Variants in ZFHX3 observed in about 807,000 individuals in gnomAD.
The protein encoded by ZFHX3 is zinc finger homeobox protein 3.
In ZFHX3, 42 loss-of-function variants were observed where a neutral mutation model predicts 279.1. The observed-to-expected ratio is 0.15, with a 90% CI of 0.12 to 0.19. ZFHX3 has a LOEUF of 0.19. Ranked by LOEUF, ZFHX3 falls within the 10% of genes least tolerant of loss-of-function variation. The probability of loss-of-function intolerance (pLI) is 1.00; values close to 1 mark genes in which losing one functional copy is unlikely to be tolerated. For missense variants in ZFHX3, 4,981 were observed against 4,754.0 expected (o/e 1.05, Z -1.40); for synonymous variants, 2,293 against 1,957.8 (o/e 1.17, Z -4.52).
At chr16:72,866,586 T>C (rs1408638739) in intron 4 of ZFHX3, among the ~76,000 whole-genome samples, 1 of 152,200 alleles carries the variant, frequency 6.6e-6, no homozygotes, top group Middle Eastern at 3.2e-3. Context: ...CTATGTGACT[T>C]ATAAAAGCTT....
At chr16:73,782,163 C>T (rs947945899) in intron 1 of ZFHX3, among the ~76,000 whole-genome samples, 22 of 152,074 alleles carry the variant, frequency 1.4e-4, no homozygotes, top group Non-Finnish European at 2.2e-4. Flanking sequence ...CAAAGTTAAC[C>T]GTACACGGAG....
intron 3 of ZFHX3, among the ~76,000 whole-genome samples, chr16:72,890,209 G>A (rs1013326247): frequency 1.3e-5 from 2 of 152,190 alleles, no homozygotes; most frequent in African/African-American, 4.8e-5. Context: ...TAGAATATGG[G>A]GGTGGTTCCC....
At chr16:72,955,173 C>T (rs934497391) in intron 2 of ZFHX3, among the ~76,000 whole-genome samples, 2 of 152,288 alleles carry the variant, frequency 1.3e-5, no homozygotes, top group Admixed American at 6.5e-5. Context: ...GCAGTTTTCG[C>T]GGCCCAAGGA....
intron 1 of ZFHX3, among the ~76,000 whole-genome samples, chr16:73,787,694 A>C (rs969120052): frequency 5.3e-5 from 8 of 152,134 alleles, no homozygotes; most frequent in Non-Finnish European, 1.2e-4. Context: ...TGAATGATGG[A>C]TGCACTATCT....
intron 5 of ZFHX3, among the ~76,000 whole-genome samples, chr16:73,149,816 G>T (rs901207062): frequency 6.6e-6 from 1 of 152,148 alleles, no homozygotes; most frequent in Non-Finnish European, 1.5e-5. Flanking sequence ...ATTGTGCTAT[G>T]TAGACTCACA....
intron 2 of ZFHX3, among the ~76,000 whole-genome samples, chr16:73,506,644 C>A (rs913901521): frequency 1.3e-5 from 2 of 152,146 alleles, no homozygotes; most frequent in Non-Finnish European, 2.9e-5. Flanking sequence ...TAAGCCTTCA[C>A]CACATGTAGC....
At chr16:72,853,644 C>T (rs2037673419) in intron 4 of ZFHX3, among the ~76,000 whole-genome samples, 1 of 152,166 alleles carries the variant, frequency 6.6e-6, no homozygotes, top group Admixed American at 6.5e-5. Context: ...TTTACATTCT[C>T]ATGAGAGGAG....
chr16:73,873,446 A>G (rs1449973967), intron 1 of ZFHX3, among the ~76,000 whole-genome samples: 4 of 150,474 alleles, frequency 2.7e-5, no homozygotes, highest in African/African-American at 1.0e-4. Flanking sequence ...CCTCCCACTC[A>G]TTTTATGTGT....
chr16:72,971,215 T>A (rs780371583), intron 1 of ZFHX3, among the ~76,000 whole-genome samples: 1 of 152,246 alleles, frequency 6.6e-6, no homozygotes, highest in Admixed American at 6.5e-5. Flanking sequence ...ACACATTGCA[T>A]AATTTCCACC....
chr16:73,889,267 G>C lies in ZFHX3; in HGVS notation c.-1608+2384C>G, dbSNP rs923718983. Among the ~76,000 whole-genome samples the C allele has an allele frequency of 1.4e-4, 22 of 152,166 alleles. 1 individual carries two copies. Among genetic ancestry groups the C allele is most frequent in the African/African-American group, 2.2e-4 (9 of 41,444 alleles). ...AGGAAGGAAGCTGCGCCAGACCCGC[G>C]CTCCAGAACTTTCCACTGACTGTCT... On this transcript the variant is annotated intron_variant, in intron 1 of 17. Transcript: ENST00000641206.
intron 2 of ZFHX3, among the ~76,000 whole-genome samples, chr16:73,617,004 A>C (rs2052310841): frequency 6.6e-6 from 1 of 152,230 alleles, no homozygotes; most frequent in Non-Finnish European, 1.5e-5. Flanking sequence ...ATTTAAAAGA[A>C]GCCAAGCACT....
intron 3 of ZFHX3, among the ~76,000 whole-genome samples, chr16:73,425,184 A>T (rs1177678247): frequency 6.6e-6 from 1 of 152,158 alleles, no homozygotes; most frequent in Non-Finnish European, 1.5e-5. Context: ...GAGGGTGGAG[A>T]GGGAGAAGCT....
chr16:73,877,498 G>A (rs2029990721), intron 1 of ZFHX3, among the ~76,000 whole-genome samples: 1 of 152,076 alleles, frequency 6.6e-6, no homozygotes, highest in South Asian at 2.1e-4. Flanking sequence ...GAATCAAGTT[G>A]GGTATTTTTA....
At chr16:72,969,629 C>T (rs2144504122) in intron 1 of ZFHX3, among the ~76,000 whole-genome samples, 1 of 152,164 alleles carries the variant, frequency 6.6e-6, no homozygotes, top group African/African-American at 2.4e-5. Context: ...AACCCCACCT[C>T]CTTAAAAAAA....
At chr16:73,353,391 C>G (rs2016283003) in intron 3 of ZFHX3, among the ~76,000 whole-genome samples, 1 of 152,216 alleles carries the variant, frequency 6.6e-6, no homozygotes, top group African/African-American at 2.4e-5. Flanking sequence ...TTGGCTCAAG[C>G]GACCTGACTG....
chr16:73,104,291 C>T (rs770798596), intron 7 of ZFHX3, among the ~76,000 whole-genome samples: 7 of 152,056 alleles, frequency 4.6e-5, no homozygotes, highest in Non-Finnish European at 7.3e-5. Flanking sequence ...AGTGCAGTAG[C>T]GCGATCTTAG....
At chr16:73,576,446 GATAA>G (rs1340024642) in intron 2 of ZFHX3, among the ~76,000 whole-genome samples, 1 of 152,198 alleles carries the variant, frequency 6.6e-6, no homozygotes, top group Admixed American at 6.5e-5. Context: ...GTCAAGAATA[GATAA>G]TGCACCTATG....
chr16:73,673,754 G>T (rs867308769), intron 2 of ZFHX3, among the ~76,000 whole-genome samples: 1 of 152,192 alleles, frequency 6.6e-6, no homozygotes, highest in African/African-American at 2.4e-5. Context: ...AGGGATAACA[G>T]CAGGGCAGGC....
intron 2 of ZFHX3, among the ~76,000 whole-genome samples, chr16:73,638,759 C>T (rs915726815): frequency 1.3e-5 from 2 of 152,062 alleles, no homozygotes; most frequent in African/African-American, 4.8e-5. Flanking sequence ...AAGCACAGTG[C>T]CACAAATATA....
Sources: allele counts gnomAD v4.1 joint callset (sites outside exome capture counted in the v4.1 genomes callset), GRCh38; gene constraint gnomAD v4.1.1; transcripts MANE v1.5; gene names NCBI Gene and HGNC (gene_info 2026-07-23, HGNC 2026-07-21).